GFOD2: variants seen among roughly 807,000 people sequenced by gnomAD.
GFOD2 encodes the protein glucose-fructose oxidoreductase domain-containing protein 2.
Under a neutral mutation model 24.6 loss-of-function variants are expected in GFOD2, and 9 were observed. The ratio of observed to expected loss-of-function variants is 0.37; its 90% CI spans 0.22 to 0.64. The LOEUF is 0.64. Among genes scored for constraint, GFOD2 ranks in the 30% least tolerant of loss-of-function variants. The probability of loss-of-function intolerance (pLI) is 0.65; values close to 1 mark genes in which losing one functional copy is unlikely to be tolerated. For missense variants in GFOD2, 476 were observed against 532.5 expected (o/e 0.89, Z 1.04); for synonymous variants, 211 against 224.8 (o/e 0.94, Z 0.55).
chr16:67,714,374 G>A (rs1567663390), intron 1 of GFOD2, among the ~76,000 whole-genome samples: 1 of 151,298 alleles, frequency 6.6e-6, no homozygotes. Context: ...AGCTACTCGG[G>A]AGGCTGAGGC....
rs142308264 is a variant in GFOD2, at chr16:67,685,658, C to T, written c.58G>A (p.Val20Ile). The T allele has an allele frequency of 1.9e-6, 3 of 1,613,962 alleles. No individual in the cohort carries two copies. The highest frequency in any genetic ancestry group is 2.7e-5 in the African/African-American group (2 of 74,932). ...FGTGSSARVL[V>I]PLLRAEGFTV... is the part of the protein sequence containing the mutation. ...AACCCTTCTGCCCTCAGCAGTGGGA[C>T]CAGAACTCGGGCGGAGCTGCCAGTC... The change falls in exon 2 of 3, where the codon GTC (valine) becomes ATC (isoleucine). Residue 20 changes from valine to isoleucine, a missense_variant. Physicochemically the swap from Val to Ile is conservative, Grantham distance 29 (BLOSUM62 3). Transcript: ENST00000268797.
chr16:67,701,400 C>CG (rs1490503043), intron 1 of GFOD2, among the ~76,000 whole-genome samples: 31 of 152,134 alleles, frequency 2.0e-4, no homozygotes, highest in Admixed American at 6.6e-5. Context: ...AGTATATCAA[C>CG]GCCAATGGAT....
chr16:67,718,595 G>A (rs1016033462), intron 1 of GFOD2, among the ~76,000 whole-genome samples: 1 of 152,168 alleles, frequency 6.6e-6, no homozygotes, highest in African/African-American at 2.4e-5. Context: ...AAATACAAAG[G>A]TAGGCCAGGG....
intron 2 of GFOD2, among the ~76,000 whole-genome samples, chr16:67,678,206 G>A (rs2053196862): frequency 6.6e-6 from 1 of 152,226 alleles, no homozygotes; most frequent in South Asian, 2.1e-4. Flanking sequence ...GCTGGGCATG[G>A]TGGCTCACGC....
rs2053174923 is a variant in GFOD2 at position 67,675,292 on chromosome 16, C to T, written c.1021G>A (p.Gly341Arg). ...PVSMAASFEDGLYMQSVVDAI... is the reference protein window; with the variant it reads ...PVSMAASFEDRLYMQSVVDAI... ...TCCACCACGCTCTGCATGTACAGCC[C>T]ATCCTCGAAGGAGGCGGCCATGGAG... Residue 341 changes from glycine to arginine, a missense_variant, in exon 3 of 3, where the codon GGG becomes AGG. Gly to Arg is a moderately radical substitution (Grantham distance 125). Transcript: ENST00000268797. 6.2e-7 allele frequency: 1 copy of T among 1,612,928 alleles called. No homozygotes were observed. Among genetic ancestry groups the T allele is most frequent in the Non-Finnish European group, 8.5e-7 (1 of 1,180,026 alleles).
At chr16:67,717,048 C>T (rs2053511850) in intron 1 of GFOD2, among the ~76,000 whole-genome samples, 1 of 152,254 alleles carries the variant, frequency 6.6e-6, no homozygotes, top group South Asian at 2.1e-4. Flanking sequence ...AGGCGTGCAC[C>T]ACCATGCCCC....
intron 1 of GFOD2, among the ~76,000 whole-genome samples, chr16:67,697,535 G>C (rs2053367502): frequency 2.6e-5 from 4 of 152,178 alleles, no homozygotes; most frequent in Admixed American, 2.6e-4. Flanking sequence ...TGCTCAAAGA[G>C]GTGAGGTAAC....
intron 1 of GFOD2, among the ~76,000 whole-genome samples, chr16:67,709,570 C>G (rs188535816): frequency 6.6e-6 from 1 of 152,110 alleles, no homozygotes; most frequent in East Asian, 1.9e-4. Flanking sequence ...AGATTAAATG[C>G]TATAAAGGAA....
At chr16:67,703,235 C>A (rs1429698134) in intron 1 of GFOD2, among the ~76,000 whole-genome samples, 1 of 152,058 alleles carries the variant, frequency 6.6e-6, no homozygotes, top group Non-Finnish European at 1.5e-5. Context: ...GAAACCCCAT[C>A]TCTACTAAAA....
intron 2 of GFOD2, chr16:67,684,924 CG>C (rs2053254579): frequency 2.0e-5 from 20 of 998,024 alleles, no homozygotes; most frequent in Non-Finnish European, 2.4e-5. Flanking sequence ...AGCAGGCTGT[CG>C]ACGGATCCTG....
chr16:67,679,713 C>T (rs2053210141), intron 2 of GFOD2, among the ~76,000 whole-genome samples: 1 of 151,516 alleles, frequency 6.6e-6, no homozygotes, highest in African/African-American at 2.4e-5. Context: ...ATGATGAAAC[C>T]CTATCTCTAC....
chr16:67,704,951 T>C (rs1233147823), intron 1 of GFOD2, among the ~76,000 whole-genome samples: 1 of 152,358 alleles, frequency 6.6e-6, no homozygotes, highest in South Asian at 2.1e-4. Flanking sequence ...TCAAGGCTTA[T>C]TGACAGTAGT....
intron 1 of GFOD2, among the ~76,000 whole-genome samples, chr16:67,715,037 T>G (rs995463523): frequency 6.6e-6 from 1 of 152,148 alleles, no homozygotes; most frequent in African/African-American, 2.4e-5. Context: ...GATTCTTCCT[T>G]CTTAATGTTT....
chr16:67,696,873 C>T (rs1354657701), intron 1 of GFOD2, among the ~76,000 whole-genome samples: 2 of 152,228 alleles, frequency 1.3e-5, no homozygotes, highest in African/African-American at 4.8e-5. Context: ...AGCCAGATGG[C>T]ATGAAGGCAG....
intron 1 of GFOD2, among the ~76,000 whole-genome samples, chr16:67,701,157 C>T (rs563408704): frequency 1.3e-5 from 2 of 151,874 alleles, no homozygotes; most frequent in Non-Finnish European, 2.9e-5. Flanking sequence ...TCATTATTGG[C>T]GAAAATGTAA....
chr16:67,689,330 C>T (rs915267371), intron 1 of GFOD2, among the ~76,000 whole-genome samples: 20 of 151,136 alleles, frequency 1.3e-4, no homozygotes, highest in Admixed American at 3.9e-4. Context: ...TGAGCCACCA[C>T]GCCCAGACCA....
intron 1 of GFOD2, among the ~76,000 whole-genome samples, chr16:67,691,650 A>ACCCCC (rs374532934): frequency 6.6e-6 from 1 of 150,780 alleles, no homozygotes; most frequent in Admixed American, 6.6e-5. Flanking sequence ...TTCTGACTGT[A>ACCCCC]CCCCCCCAGG....
intron 1 of GFOD2, among the ~76,000 whole-genome samples, chr16:67,702,518 T>C (rs2053409589): frequency 6.6e-6 from 1 of 151,402 alleles, no homozygotes; most frequent in African/African-American, 2.4e-5. Flanking sequence ...AAAGATTTGC[T>C]GACCCCTGCC....
chr16:67,674,998 G>T lies in GFOD2; in HGVS notation c.*157C>A. On this transcript the variant is annotated 3_prime_UTR_variant, in exon 3 of 3. Coordinates refer to ENST00000268797, the MANE Select transcript of GFOD2 (RefSeq NM_030819.4). ...CCCTGCAAGTCTGAGGAGCAGATGA[G>T]CCACTGGAGGGGGCGAAGTCCCAGA... is the stretch of plus-strand genomic sequence containing the variant. 1 of 784,298 alleles carries T rather than the reference G, an allele frequency of 1.3e-6. No individual in the cohort carries two copies. The highest frequency in any genetic ancestry group is 2.0e-6 in the Non-Finnish European group (1 of 489,286). The allele number at this position is 784,298 out of a possible 1,614,324, so 48.6% of individuals were successfully genotyped here.
Sources: gnomAD v4.1 joint callset for allele counts (sites outside exome capture counted in the v4.1 genomes callset) on GRCh38, gnomAD v4.1.1 for gene constraint, MANE v1.5 for transcripts, NCBI Gene and HGNC (gene_info 2026-07-23, HGNC 2026-07-21) for gene names.